LRRC7: variants seen among roughly 807,000 people sequenced by gnomAD.
LRRC7 encodes leucine-rich repeat-containing protein 7.
Under a neutral mutation model 175.7 loss-of-function variants are expected in LRRC7, and 23 were observed. The ratio of observed to expected loss-of-function variants is 0.13; its 90% CI spans 0.09 to 0.19. LRRC7 has a LOEUF of 0.19. Among genes scored for constraint, LRRC7 ranks in the 10% least tolerant of loss-of-function variants. The probability of loss-of-function intolerance (pLI) is 1.00; values close to 1 mark genes in which losing one functional copy is unlikely to be tolerated. For synonymous variants in LRRC7, 685 were observed against 680.9 expected (o/e 1.01, Z -0.09); for missense variants, 1,354 against 1,904.7 (o/e 0.71, Z 5.38).
intron 7 of LRRC7, among the ~76,000 whole-genome samples, chr1:69,888,152 T>C (rs9787260): frequency 0.98 from 144,442 of 146,668 alleles, 71,167 homozygotes; most frequent in Middle Eastern, 1. Flanking sequence ...CCACCCAGTT[T>C]GAGCTTCCTG....
At chr1:69,718,121 G>GA (rs879384945) in intron 2 of LRRC7, among the ~76,000 whole-genome samples, 915 of 61,148 alleles carry the variant, frequency 0.015, 15 homozygotes, top group East Asian at 0.069. Flanking sequence ...AAGAAAGAAA[G>GA]AAAGAAAAGA....
At chr1:69,884,847 G>T (rs1687007569) in intron 7 of LRRC7, among the ~76,000 whole-genome samples, 1 of 142,474 alleles carries the variant, frequency 7.0e-6, no homozygotes, top group Non-Finnish European at 1.5e-5. Flanking sequence ...TTTTGTCAAA[G>T]GCTTTTTCTG....
chr1:70,105,982 T>C (rs1665117815), intron 25 of LRRC7, among the ~76,000 whole-genome samples: 1 of 152,138 alleles, frequency 6.6e-6, no homozygotes. Flanking sequence ...TTGGGTCTGT[T>C]ACCACTTACA....
In LRRC7 at chr1:69,760,173, G is replaced by GT; in HGVS notation, c.101-15dup. 6.2e-7 allele frequency: 1 copy of GT among 1,610,094 alleles called. No homozygotes were observed. The highest frequency in any genetic ancestry group is 8.5e-7 in the Non-Finnish European group (1 of 1,177,408). On this transcript the variant is annotated splice_polypyrimidine_tract_variant and intron_variant, in intron 2 of 26. Transcript: ENST00000651989. ...TGGATAAGCTGTTTTGTTTTGTTTT[G>GT]TTTCTGCGTTTCTCTAGTGCAGTGC...
At chr1:69,925,998 G>A (rs1408979865) in intron 7 of LRRC7, among the ~76,000 whole-genome samples, 3 of 151,366 alleles carry the variant, frequency 2.0e-5, no homozygotes, top group Non-Finnish European at 4.4e-5. Flanking sequence ...CTGGTATGTT[G>A]TGTCTTTGTT....
intron 8 of LRRC7, among the ~76,000 whole-genome samples, chr1:69,951,101 A>G (rs375103662): frequency 6.6e-6 from 1 of 152,078 alleles, no homozygotes; most frequent in South Asian, 2.1e-4. Context: ...TTTACAAAAA[A>G]AAAAACCATT....
In LRRC7 at chr1:69,628,762, A is replaced by G. The variant is rs1407509582; in HGVS notation, c.3-49619A>G. Among the ~76,000 whole-genome samples, 4 of 152,316 alleles carry G rather than the reference A, an allele frequency of 2.6e-5. No individual in the cohort carries two copies. In the East Asian group the frequency reaches 7.7e-4, roughly 29 times the overall value. On this transcript the variant is annotated intron_variant, in intron 1 of 26. Coordinates refer to ENST00000651989, the MANE Select transcript of LRRC7 (RefSeq NM_001370785.2). ...TAATCAAGACAATGTTGGTATTGGCAAAGAATAGACAAATAGATCAGTGGA... is the reference window on the plus strand; with the variant it reads ...TAATCAAGACAATGTTGGTATTGGCGAAGAATAGACAAATAGATCAGTGGA...
In LRRC7 at chr1:70,142,575, C is replaced by T. The variant is rs1667107623; in HGVS notation, c.*20688C>T. 1 of 152,000 alleles carries T rather than the reference C, an allele frequency of 6.6e-6. No individual in the cohort carries two copies. The highest frequency in any genetic ancestry group is 1.5e-5 in the Non-Finnish European group (1 of 67,962). 9.4% of individuals were successfully genotyped at this position (152,000 alleles called of 1,614,324 possible). On this transcript the variant is annotated 3_prime_UTR_variant, in exon 27 of 27. Coordinates refer to ENST00000651989, the MANE Select transcript of LRRC7 (RefSeq NM_001370785.2). ...CTTCATATGAAGAAGAAATTTTTTACTAGTGGAAAATTAGAAGTAAATCTA... is the reference window on the plus strand; with the variant it reads ...CTTCATATGAAGAAGAAATTTTTTATTAGTGGAAAATTAGAAGTAAATCTA...
chr1:69,901,966 A>G (rs1429543844), intron 7 of LRRC7, among the ~76,000 whole-genome samples: 1 of 151,852 alleles, frequency 6.6e-6, no homozygotes, highest in Non-Finnish European at 1.5e-5. Flanking sequence ...ACTGTAATAA[A>G]TTAATATATT....
At chr1:69,748,410 C>T (rs953042375) in intron 2 of LRRC7, among the ~76,000 whole-genome samples, 1 of 152,096 alleles carries the variant, frequency 6.6e-6, no homozygotes, top group Non-Finnish European at 1.5e-5. Flanking sequence ...GAGACAACTA[C>T]ATAGAAAATG....
intron 1 of LRRC7, among the ~76,000 whole-genome samples, chr1:69,570,319 T>A (rs1016405962): frequency 6.6e-6 from 1 of 151,778 alleles, no homozygotes; most frequent in Non-Finnish European, 1.5e-5. Context: ...AGGAAAATAA[T>A]AATAATAATA....
rs548426088 is a variant in LRRC7, at chr1:69,580,531, G to A, written c.2+11890G>A. Among the ~76,000 whole-genome samples, 12 of 152,172 alleles carry A rather than the reference G, an allele frequency of 7.9e-5. No homozygotes were observed. In the East Asian group the frequency reaches 1.4e-3, roughly 17 times the overall value. ...TGCACAACTCAGGAATAGCTCCTCCGATTTGTAAACAAATCAAAGACACTA... is the reference window on the plus strand; with the variant it reads ...TGCACAACTCAGGAATAGCTCCTCCAATTTGTAAACAAATCAAAGACACTA... On this transcript the variant is annotated intron_variant, in intron 1 of 26. Coordinates refer to ENST00000651989, the MANE Select transcript of LRRC7 (RefSeq NM_001370785.2).
At chr1:70,074,270 C>T (rs897935213) in intron 23 of LRRC7, among the ~76,000 whole-genome samples, 1 of 151,544 alleles carries the variant, frequency 6.6e-6, no homozygotes, top group Non-Finnish European at 1.5e-5. Context: ...CCCTCTCCTC[C>T]AAACAAAAGA....
intron 7 of LRRC7, among the ~76,000 whole-genome samples, chr1:69,895,336 C>A (rs1203344246): frequency 6.6e-6 from 1 of 152,062 alleles, no homozygotes; most frequent in African/African-American, 2.4e-5. Context: ...AGCAAAGGTA[C>A]ACAAGGAAAC....
In LRRC7 at chr1:69,783,929, C is replaced by T. The variant is rs1327740087; in HGVS notation, c.304-8114C>T. 2.0e-5 allele frequency among the ~76,000 whole-genome samples: 3 copies of T among 151,916 alleles called. No homozygotes were observed. The East Asian group carries it at 5.8e-4, about 29-fold the overall frequency. ...TTAGTCTTCAACTTTTGTGTATGTG[C>T]ACTAGCAGATGTATATTAGAATATT... On this transcript the variant is annotated intron_variant, in intron 3 of 26. Coordinates refer to ENST00000651989, the MANE Select transcript of LRRC7 (RefSeq NM_001370785.2).
At chr1:69,648,204 T>C (rs904252104) in intron 1 of LRRC7, among the ~76,000 whole-genome samples, 7 of 152,178 alleles carry the variant, frequency 4.6e-5, no homozygotes, top group African/African-American at 1.4e-4. Flanking sequence ...TTTGGAGGTT[T>C]AAATGAGTGT....
intron 22 of LRRC7, among the ~76,000 whole-genome samples, chr1:70,051,062 T>G (rs911865806): frequency 6.6e-6 from 1 of 152,046 alleles, no homozygotes; most frequent in African/African-American, 2.4e-5. Context: ...ACTAGATTAA[T>G]TTATAAACTA....
At chr1:69,596,207 T>C (rs555896932) in intron 1 of LRRC7, among the ~76,000 whole-genome samples, 12 of 152,254 alleles carry the variant, frequency 7.9e-5, no homozygotes, top group African/African-American at 2.6e-4. Context: ...TCCTTTGCTC[T>C]TTGCAGCAAT....
chr1:70,054,680 A>C, intron 23 of LRRC7, among the ~76,000 whole-genome samples: 1 of 138,788 alleles, frequency 7.2e-6, no homozygotes, highest in African/African-American at 2.8e-5. Flanking sequence ...GCTCACTGCA[A>C]TCTCCACCTC....
Sources: gnomAD v4.1 joint callset for allele counts (sites outside exome capture counted in the v4.1 genomes callset) on GRCh38, gnomAD v4.1.1 for gene constraint, MANE v1.5 for transcripts, NCBI Gene and HGNC (gene_info 2026-07-23, HGNC 2026-07-21) for gene names.